PHACTR1: variants seen among roughly 807,000 people sequenced by gnomAD.
The protein encoded by PHACTR1 is RPEL repeat containing 1.
Under a neutral mutation model 69.2 loss-of-function variants are expected in PHACTR1, and 16 were observed. That is an observed-to-expected ratio of 0.23 (90% CI 0.16 to 0.35). The LOEUF (loss-of-function observed/expected upper bound fraction) is 0.35, where lower values mean the gene tolerates loss of function less well. Among genes scored for constraint, PHACTR1 ranks in the 10% least tolerant of loss-of-function variants. The pLI is 1.00. For missense variants in PHACTR1, 510 were observed against 734.7 expected (o/e 0.69, Z 3.54); for synonymous variants, 312 against 284.5 (o/e 1.10, Z -0.97).
At chr6:12,854,010 G>GT (rs2088970749) in intron 4 of PHACTR1, among the ~76,000 whole-genome samples, 1 of 152,136 alleles carries the variant, frequency 6.6e-6, no homozygotes, top group African/African-American at 2.4e-5. Flanking sequence ...ACATATAGGC[G>GT]TTGTCAATAC....
intron 4 of PHACTR1, among the ~76,000 whole-genome samples, chr6:12,952,614 C>G (rs140664864): frequency 6.6e-6 from 1 of 152,290 alleles, no homozygotes; most frequent in African/African-American, 2.4e-5. Context: ...TTTATGCATA[C>G]GCCTCCTGAA....
chr6:13,064,401 GACAC>G (rs918015218), intron 5 of PHACTR1, among the ~76,000 whole-genome samples: 2 of 151,192 alleles, frequency 1.3e-5, no homozygotes, highest in South Asian at 4.2e-4. Context: ...GAGAAGAAAA[GACAC>G]ACACACAATA....
chr6:12,952,717 T>C (rs1231960852), intron 4 of PHACTR1, among the ~76,000 whole-genome samples: 1 of 152,042 alleles, frequency 6.6e-6, no homozygotes. Context: ...TTCAACTCCT[T>C]TGTGTAGATA....
intron 5 of PHACTR1, among the ~76,000 whole-genome samples, chr6:13,144,649 C>G (rs1304718329): frequency 6.6e-6 from 1 of 151,286 alleles, no homozygotes; most frequent in African/African-American, 2.4e-5. Context: ...GACTGTAGTC[C>G]CAGCTGCTTG....
intron 5 of PHACTR1, among the ~76,000 whole-genome samples, chr6:13,143,170 T>C (rs1310170049): frequency 6.6e-6 from 1 of 152,178 alleles, no homozygotes; most frequent in East Asian, 1.9e-4. Flanking sequence ...GTGGAGATGG[T>C]TAATGGGTAC....
chr6:13,163,445 G>T (rs187596138), intron 6 of PHACTR1, among the ~76,000 whole-genome samples: 6 of 152,296 alleles, frequency 3.9e-5, no homozygotes, highest in Admixed American at 3.9e-4. Flanking sequence ...GAGAGCAGGG[G>T]CCTCAGAGGC....
At chr6:13,190,622 A>T (rs1763444443) in intron 7 of PHACTR1, among the ~76,000 whole-genome samples, 1 of 152,092 alleles carries the variant, frequency 6.6e-6, no homozygotes, top group Non-Finnish European at 1.5e-5. Context: ...CAAAGGAGAC[A>T]GTTTGTGTAA....
chr6:13,004,562 C>T (rs373204421), intron 4 of PHACTR1, among the ~76,000 whole-genome samples: 1 of 152,144 alleles, frequency 6.6e-6, no homozygotes. Context: ...TTAAATTTTA[C>T]TTTAAGTTAT....
chr6:12,842,984 T>A (rs1425556091), intron 4 of PHACTR1, among the ~76,000 whole-genome samples: 1 of 152,218 alleles, frequency 6.6e-6, no homozygotes, highest in South Asian at 2.1e-4. Flanking sequence ...ATTTGACTTA[T>A]CTACCCTTTA....
intron 10 of PHACTR1, chr6:13,267,071 C>T (rs750785705): frequency 3.3e-5 from 5 of 152,256 alleles, no homozygotes; most frequent in African/African-American, 1.2e-4. Context: ...AAGTGCCTCA[C>T]CATGGAAGCC....
intron 5 of PHACTR1, among the ~76,000 whole-genome samples, chr6:13,086,446 G>A (rs536193519): frequency 1.3e-4 from 20 of 152,174 alleles, no homozygotes; most frequent in Admixed American, 1.3e-3. Context: ...TCAAGATACA[G>A]AACAGTTTTG....
In PHACTR1 at chr6:13,064,575, T is replaced by C. The variant is rs1477826610; in HGVS notation, c.415+11046T>C. On this transcript the variant is annotated intron_variant, in intron 5 of 14. Coordinates refer to ENST00000332995, the MANE Select transcript of PHACTR1 (RefSeq NM_030948.6). ...ATATATATATATATATATATATATA[T>C]ATATATATATATATATATATATATA... 1.1e-3 allele frequency among the ~76,000 whole-genome samples: 4 copies of C among 3,788 alleles called. 1 individual carries two copies. Among genetic ancestry groups the C allele is most frequent in the African/African-American group, 5.8e-3 (4 of 688 alleles). The allele number at this position is 3,788 out of a possible 152,430, so 2.5% of individuals were successfully genotyped here.
intron 6 of PHACTR1, among the ~76,000 whole-genome samples, chr6:13,169,105 T>A (rs573143856): frequency 6.6e-6 from 1 of 152,112 alleles, no homozygotes; most frequent in African/African-American, 2.4e-5. Context: ...GAGGACAGAC[T>A]GGAGAGTTCT....
chr6:12,791,850 C>T (rs554898701), intron 4 of PHACTR1, among the ~76,000 whole-genome samples: 13 of 152,258 alleles, frequency 8.5e-5, no homozygotes, highest in Non-Finnish European at 1.9e-4. Context: ...AAAATCCCCG[C>T]TTGCCTGAGG....
intron 4 of PHACTR1, among the ~76,000 whole-genome samples, chr6:12,756,500 C>G (rs1767337821): frequency 6.6e-6 from 1 of 152,018 alleles, no homozygotes; most frequent in Non-Finnish European, 1.5e-5. Flanking sequence ...AATTTTATGG[C>G]CTTGTTGAAT....
At chr6:13,268,763 T>G (rs1229816580) in intron 10 of PHACTR1, among the ~76,000 whole-genome samples, 7 of 152,222 alleles carry the variant, frequency 4.6e-5, no homozygotes, top group East Asian at 3.8e-4. Context: ...AATCTCATTT[T>G]CAAGGTCAAA....
At chr6:12,928,388 G>A (rs956226082) in intron 4 of PHACTR1, among the ~76,000 whole-genome samples, 7 of 152,144 alleles carry the variant, frequency 4.6e-5, no homozygotes, top group African/African-American at 7.2e-5. Flanking sequence ...CTACGAACGG[G>A]ACTGGCTTGA....
At chr6:13,169,072 G>T (rs553149982) in intron 6 of PHACTR1, among the ~76,000 whole-genome samples, 21 of 152,212 alleles carry the variant, frequency 1.4e-4, no homozygotes, top group South Asian at 2.1e-4. Context: ...TGGGGAAAAG[G>T]GTAGTAAGCA....
chr6:13,203,237 A>T (rs897444119), intron 7 of PHACTR1, among the ~76,000 whole-genome samples: 3 of 152,202 alleles, frequency 2.0e-5, no homozygotes, highest in Non-Finnish European at 4.4e-5. Flanking sequence ...ATCTCTTGTG[A>T]TGTGAGCTGG....
Sources: gnomAD v4.1 joint callset for allele counts (sites outside exome capture counted in the v4.1 genomes callset) on GRCh38, gnomAD v4.1.1 for gene constraint, MANE v1.5 for transcripts, NCBI Gene and HGNC (gene_info 2026-07-23, HGNC 2026-07-21) for gene names.